DIS3L2: variants seen among roughly 807,000 people sequenced by gnomAD.
DIS3L2 encodes DIS3 like 3'-5' exoribonuclease 2, also known as DIS3-like exonuclease 2.
A neutral mutation model predicts 97.5 loss-of-function variants in DIS3L2; 34 were observed. The ratio of observed to expected loss-of-function variants is 0.35; its 90% confidence interval spans 0.27 to 0.46. The LOEUF (loss-of-function observed/expected upper bound fraction) is 0.46, where lower values mean the gene tolerates loss of function less well. DIS3L2 is among the 20% of genes least tolerant of loss of function. The pLI is 1.00. For missense variants in DIS3L2, 1,038 were observed against 1,146.0 expected, an observed-to-expected ratio of 0.91 and a Z score of 1.36; for synonymous variants, 435 against 445.2, an observed-to-expected ratio of 0.98 and a Z score of 0.29.
chr2:232,288,999 A>G (rs1429242542), intron 13 of DIS3L2, among the ~76,000 whole-genome samples: 1 of 152,214 alleles, frequency 6.6e-6, no homozygotes, highest in Non-Finnish European at 1.5e-5. Context: ...GGGTGGGCAC[A>G]GCTCCTGTGA....
At chr2:232,164,472 G>T (rs574915929) in intron 9 of DIS3L2, among the ~76,000 whole-genome samples, 1 of 152,260 alleles carries the variant, frequency 6.6e-6, no homozygotes, top group Admixed American at 6.5e-5. Context: ...GCTGTGGAAG[G>T]TTTTTGCTAA....
intron 13 of DIS3L2, among the ~76,000 whole-genome samples, chr2:232,289,265 G>T (rs1471305442): frequency 1.3e-5 from 2 of 149,868 alleles, no homozygotes; most frequent in African/African-American, 4.9e-5. Flanking sequence ...TTTTTTTGGA[G>T]ACTTGTCCAG....
intron 5 of DIS3L2, among the ~76,000 whole-genome samples, chr2:232,061,817 A>C (rs1436883354): frequency 6.6e-6 from 1 of 152,172 alleles, no homozygotes; most frequent in African/African-American, 2.4e-5. Flanking sequence ...TTACTCAGAA[A>C]TAAAGTCTCC....
intron 5 of DIS3L2, among the ~76,000 whole-genome samples, chr2:232,053,792 A>G (rs2106267103): frequency 6.6e-6 from 1 of 152,116 alleles, no homozygotes; most frequent in South Asian, 2.1e-4. Flanking sequence ...CCCTACCAGC[A>G]CCTCTCTGTG....
At chr2:232,155,246 A>G (rs544285811) in intron 8 of DIS3L2, among the ~76,000 whole-genome samples, 7 of 152,118 alleles carry the variant, frequency 4.6e-5, no homozygotes, top group Admixed American at 1.3e-4. Flanking sequence ...AATTTTCTAA[A>G]GGTCCAATAA....
intron 9 of DIS3L2, among the ~76,000 whole-genome samples, chr2:232,177,235 T>C (rs1341444201): frequency 6.9e-6 from 1 of 144,062 alleles, no homozygotes; most frequent in African/African-American, 2.6e-5. Flanking sequence ...TTCCAAGTCT[T>C]TGCTATTGTG....
At position 232,021,847 on chromosome 2, in the gene DIS3L2, G is replaced by A. The variant is rs146752955; in HGVS notation, c.211-2430G>A. On this transcript the variant is annotated intron_variant, in intron 3 of 20. Transcript: ENST00000325385. ...TACATGGGTTATGAGAGATAAAATA[G>A]ACTCCCTCTGAGAGCACTCGAGAGA... Among the ~76,000 whole-genome samples the A allele has an allele frequency of 1.4e-3, 220 of 152,248 alleles. 2 individuals carry two copies. The highest frequency in any genetic ancestry group is 2.4e-3 in the Non-Finnish European group (164 of 68,010).
intron 6 of DIS3L2, among the ~76,000 whole-genome samples, chr2:232,125,754 G>A (rs1418007611): frequency 6.6e-6 from 1 of 152,092 alleles, no homozygotes; most frequent in Non-Finnish European, 1.5e-5. Flanking sequence ...AGCTAGATGT[G>A]GGGTCCTAGA....
intron 14 of DIS3L2, among the ~76,000 whole-genome samples, chr2:232,316,886 T>G (rs1237288488): frequency 6.6e-6 from 1 of 152,248 alleles, no homozygotes; most frequent in Non-Finnish European, 1.5e-5. Flanking sequence ...GTGTCATAAA[T>G]CTTCTAGGAA....
At chr2:232,189,758 C>T (rs72992340) in intron 9 of DIS3L2, among the ~76,000 whole-genome samples, 1,890 of 152,266 alleles carry the variant, frequency 0.012, 17 homozygotes, top group Non-Finnish European at 0.018. Flanking sequence ...TGCATGGTAT[C>T]AGTGTCAATA....
intron 6 of DIS3L2, among the ~76,000 whole-genome samples, chr2:232,110,417 A>G (rs1479376119): frequency 6.6e-6 from 1 of 152,236 alleles, no homozygotes. Context: ...AGCACTATTC[A>G]CAATAGCAAA....
Position 232,228,226 on chromosome 2 carries a change from A to G in DIS3L2, c.1205-10307A>G, listed in dbSNP as rs1692698553. On this transcript the variant is annotated intron_variant, in intron 10 of 20. Coordinates refer to ENST00000325385, the MANE Select transcript of DIS3L2 (RefSeq NM_152383.5). ...GGTGATCCACCCGCCTCAGCTTCCC[A>G]AACTGCTGGGATTATAGGCGTGAGC... 2.0e-5 allele frequency among the ~76,000 whole-genome samples: 3 copies of G among 152,194 alleles called. No homozygotes were observed. In the South Asian group the frequency reaches 6.2e-4, roughly 31 times the overall value.
chr2:232,063,156 C>T (rs2106278068), intron 5 of DIS3L2, among the ~76,000 whole-genome samples: 1 of 152,302 alleles, frequency 6.6e-6, no homozygotes, highest in South Asian at 2.1e-4. Context: ...GCTCCCACCT[C>T]CCCATCCCCA....
chr2:232,203,204 T>A (rs1218498105), intron 9 of DIS3L2, among the ~76,000 whole-genome samples: 1 of 151,710 alleles, frequency 6.6e-6, no homozygotes, highest in Non-Finnish European at 1.5e-5. Context: ...ATTTCTTAAT[T>A]TTTTTTCCAT....
In DIS3L2 at chr2:232,136,372, T is replaced by C. The variant is rs563841810; in HGVS notation, c.703-100T>C. On this transcript the variant is annotated intron_variant, in intron 7 of 20. Transcript: ENST00000325385. ...ACTTATTTTGACCTAGAAAAACTGCTGGTTCCTGCTAGTTGATCAAATTAT... is the reference window on the plus strand; with the variant it reads ...ACTTATTTTGACCTAGAAAAACTGCCGGTTCCTGCTAGTTGATCAAATTAT... 3.1e-5 allele frequency: 46 copies of C among 1,462,182 alleles called. 1 individual carries two copies. The South Asian group carries it at 4.4e-4, about 14-fold the overall frequency. The allele number at this position is 1,462,182 out of a possible 1,614,324, so 90.6% of individuals were successfully genotyped here.
intron 6 of DIS3L2, among the ~76,000 whole-genome samples, chr2:232,104,052 G>C (rs3100590): frequency 0.82 from 124,356 of 151,902 alleles, 51,269 homozygotes; most frequent in African/African-American, 0.9. Context: ...ATTTTTAATG[G>C]AAATAGATTT....
intron 14 of DIS3L2, among the ~76,000 whole-genome samples, chr2:232,302,974 A>G (rs73092128): frequency 6.6e-6 from 1 of 152,204 alleles, no homozygotes; most frequent in Non-Finnish European, 1.5e-5. Context: ...GCAGGGTTGC[A>G]TGGGGCTCTC....
chr2:232,082,207 GTT>G (rs1233347654), intron 5 of DIS3L2, among the ~76,000 whole-genome samples: 1 of 152,162 alleles, frequency 6.6e-6, no homozygotes, highest in Non-Finnish European at 1.5e-5. Flanking sequence ...TTTCTTATGT[GTT>G]TTAGGATAAT....
At position 232,246,170 on chromosome 2, in the gene DIS3L2, G is replaced by T. The variant is rs951054731; in HGVS notation, c.1318-3069G>T. 1.3e-4 allele frequency among the ~76,000 whole-genome samples: 20 copies of T among 152,328 alleles called. 1 individual carries two copies. Among genetic ancestry groups the T allele is most frequent in the African/African-American group, 4.6e-4 (19 of 41,570 alleles). On this transcript the variant is annotated intron_variant, in intron 11 of 20. Transcript: ENST00000325385. The stretch of plus-strand genomic sequence containing the variant: ...GAGGATGGAGTAAGTGGCTGACTGT[G>T]TAGGATGGCCCCAAATCCTCTTTGA...
Sources: allele counts gnomAD v4.1 joint callset (sites outside exome capture counted in the v4.1 genomes callset), GRCh38; gene constraint gnomAD v4.1.1; transcripts MANE v1.5; gene names NCBI Gene and HGNC (gene_info 2026-07-23, HGNC 2026-07-21).